The following NLGN1 variants were observed in gnomAD, a reference collection of about 807,000 sequenced individuals.
NLGN1 encodes neuroligin 1, also known as neuroligin-1.
In NLGN1, 12 loss-of-function variants were observed where a neutral mutation model predicts 65.5. That is an observed-to-expected ratio of 0.18 (90% confidence interval 0.12 to 0.30). The LOEUF (loss-of-function observed/expected upper bound fraction) is 0.30, where lower values mean the gene tolerates loss of function less well. NLGN1 is among the 10% of genes least tolerant of loss of function. The pLI is 1.00. For missense variants in NLGN1, 750 were observed against 1,007.1 expected (o/e 0.74, Z 3.46); for synonymous variants, 350 against 359.5 (o/e 0.97, Z 0.30).
In NLGN1 at chr3:173,928,656, A is replaced by G. The variant is rs147483101; in HGVS notation, c.646+120824A>G. On this transcript the variant is annotated intron_variant, in intron 4 of 6. Transcript: ENST00000457714. ...TGATATTTAGAGGTATGCTCACAAT[A>G]GATTAGACATAGTTAATTTTTTTTT... Among the ~76,000 whole-genome samples the G allele has an allele frequency of 4.0e-5, 6 of 151,134 alleles. No individual in the cohort carries two copies. In the East Asian group the frequency reaches 1.2e-3, roughly 30 times the overall value.
At chr3:173,569,288 T>TA (rs553530484) in intron 2 of NLGN1, among the ~76,000 whole-genome samples, 76 of 152,258 alleles carry the variant, frequency 5.0e-4, no homozygotes, top group Admixed American at 1.1e-3. Context: ...ATTTACTTAT[T>TA]ACTTCAAAAT....
At chr3:173,488,698 T>G (rs1354762629) in intron 2 of NLGN1, among the ~76,000 whole-genome samples, 2 of 152,052 alleles carry the variant, frequency 1.3e-5, no homozygotes, top group African/African-American at 4.8e-5. Flanking sequence ...TCTTTTTTCC[T>G]TTTTCTTGAT....
intron 4 of NLGN1, among the ~76,000 whole-genome samples, chr3:174,189,461 C>G (rs1452016131): frequency 6.6e-6 from 1 of 151,922 alleles, no homozygotes; most frequent in African/African-American, 2.4e-5. Flanking sequence ...TTTCCCCAAC[C>G]TTCAAATCTA....
intron 3 of NLGN1, among the ~76,000 whole-genome samples, chr3:173,643,371 C>A (rs1297437832): frequency 6.6e-6 from 1 of 152,062 alleles, no homozygotes; most frequent in Non-Finnish European, 1.5e-5. Context: ...TGACAACATG[C>A]ACATCATAAT....
At chr3:174,117,697 C>T (rs2152635875) in intron 4 of NLGN1, among the ~76,000 whole-genome samples, 1 of 152,128 alleles carries the variant, frequency 6.6e-6, no homozygotes, top group South Asian at 2.1e-4. Context: ...GCAAGAGGTC[C>T]ATGTCTAACA....
intron 1 of NLGN1, among the ~76,000 whole-genome samples, chr3:173,410,239 C>A (rs1045026760): frequency 6.6e-6 from 1 of 152,142 alleles, no homozygotes; most frequent in African/African-American, 2.4e-5. Context: ...TGGGAATAAA[C>A]AAAATAACAT....
chr3:174,161,259 A>G (rs1577156852), intron 4 of NLGN1, among the ~76,000 whole-genome samples: 2 of 151,850 alleles, frequency 1.3e-5, no homozygotes, highest in Admixed American at 1.3e-4. Context: ...GAAAAAAAAA[A>G]TCACCATATA....
chr3:173,783,270 T>C (rs779042557), intron 3 of NLGN1, among the ~76,000 whole-genome samples: 10 of 152,188 alleles, frequency 6.6e-5, no homozygotes, highest in Admixed American at 1.3e-4. Context: ...GAGAAAAACA[T>C]TCAAAAATCC....
Position 173,404,905 on chromosome 3 carries a change from A to G in NLGN1, c.-390+6418A>G, listed in dbSNP as rs551790288. ...ATTCACACTGTGGAAAGAACACCCC[A>G]GTATTAATTCCACAATCGTTCTCTA... On this transcript the variant is annotated intron_variant, in intron 1 of 6. Coordinates refer to ENST00000457714, the Ensembl canonical transcript of NLGN1. Among the ~76,000 whole-genome samples, 7 of 152,270 alleles carry G rather than the reference A, an allele frequency of 4.6e-5. No homozygotes were observed. The East Asian group carries it at 9.6e-4, about 21-fold the overall frequency.
intron 4 of NLGN1, among the ~76,000 whole-genome samples, chr3:174,061,975 T>G (rs907327294): frequency 6.6e-6 from 1 of 152,126 alleles, no homozygotes; most frequent in African/African-American, 2.4e-5. Context: ...AATTTTACTT[T>G]GAAATAAATC....
intron 4 of NLGN1, among the ~76,000 whole-genome samples, chr3:173,878,422 A>G (rs1311679826): frequency 6.6e-6 from 1 of 152,102 alleles, no homozygotes; most frequent in Non-Finnish European, 1.5e-5. Flanking sequence ...TATCTATAAA[A>G]ATGTTCTGCA....
At chr3:174,067,115 A>G (rs775741265) in intron 4 of NLGN1, among the ~76,000 whole-genome samples, 2 of 152,162 alleles carry the variant, frequency 1.3e-5, no homozygotes, top group Non-Finnish European at 2.9e-5. Context: ...GAAAAAAATT[A>G]AAAACAAAGT....
At chr3:173,476,212 C>G (rs1726177448) in intron 2 of NLGN1, among the ~76,000 whole-genome samples, 1 of 152,094 alleles carries the variant, frequency 6.6e-6, no homozygotes, top group Non-Finnish European at 1.5e-5. Flanking sequence ...GACTCTGTCT[C>G]TAGAGATGGT....
chr3:173,798,058 C>T (rs57262317), intron 3 of NLGN1, among the ~76,000 whole-genome samples: 3,546 of 152,128 alleles, frequency 0.023, 160 homozygotes, highest in African/African-American at 0.082. Context: ...AGAGAGAGCT[C>T]TTATAGAGCC....
chr3:173,882,804 A>G (rs112925209), intron 4 of NLGN1, among the ~76,000 whole-genome samples: 1 of 151,738 alleles, frequency 6.6e-6, no homozygotes, highest in African/African-American at 2.4e-5. Flanking sequence ...AGAACATTTT[A>G]TTTGTATTCA....
chr3:173,802,661 G>A (rs901881078), intron 3 of NLGN1, among the ~76,000 whole-genome samples: 3 of 151,936 alleles, frequency 2.0e-5, no homozygotes, highest in African/African-American at 7.3e-5. Context: ...CAAATATGAA[G>A]GACTTGATAA....
chr3:173,489,936 GT>G (rs1480478598), intron 2 of NLGN1, among the ~76,000 whole-genome samples: 4 of 151,980 alleles, frequency 2.6e-5, no homozygotes, highest in Admixed American at 6.6e-5. Context: ...GGGGTTGTTT[GT>G]TTTTTTCTTG....
chr3:173,987,623 A>G (rs1438523393), intron 4 of NLGN1, among the ~76,000 whole-genome samples: 1 of 152,198 alleles, frequency 6.6e-6, no homozygotes, highest in Non-Finnish European at 1.5e-5. Flanking sequence ...TAATAATATC[A>G]TCATCCACAA....
intron 4 of NLGN1, among the ~76,000 whole-genome samples, chr3:174,102,097 A>G (rs555807278): frequency 4.6e-4 from 70 of 152,312 alleles, no homozygotes; most frequent in African/African-American, 1.6e-3. Context: ...AATTATATGC[A>G]TAAGTTTAGA....
Sources: gnomAD v4.1 joint callset for allele counts (sites outside exome capture counted in the v4.1 genomes callset) on GRCh38, gnomAD v4.1.1 for gene constraint, MANE v1.5 for transcripts, NCBI Gene and HGNC (gene_info 2026-07-23, HGNC 2026-07-21) for gene names.